The following ZBED4 variants were observed in gnomAD, a reference collection of about 807,000 sequenced individuals.
The protein encoded by ZBED4 is zinc finger BED domain-containing protein 4.
Under a neutral mutation model 15.5 loss-of-function variants are expected in ZBED4, and 4 were observed. The ratio of observed to expected loss-of-function variants is 0.26; its 90% confidence interval spans 0.13 to 0.59. The LOEUF (loss-of-function observed/expected upper bound fraction) is 0.59. Among genes scored for constraint, ZBED4 ranks in the 20% least tolerant of loss-of-function variants. The pLI is 0.90. For synonymous variants in ZBED4, 692 were observed against 608.5 expected, an observed-to-expected ratio of 1.14 and a Z score of -2.02; for missense variants, 1,323 against 1,461.8, an observed-to-expected ratio of 0.91 and a Z score of 1.55.
At position 49,884,214 on chromosome 22, in the gene ZBED4, T is replaced by C. The variant is rs908397289; in HGVS notation, c.552T>C (p.Ser184=). The C allele has an allele frequency of 1.3e-5, 21 of 1,603,748 alleles. No homozygotes were observed. Among genetic ancestry groups the C allele is most frequent in the Non-Finnish European group, 1.7e-5 (20 of 1,173,822 alleles). The change falls in exon 2 of 2, where the codon TCT becomes TCC. Residue 184 remains serine, a synonymous_variant. Coordinates refer to ENST00000216268, the MANE Select transcript of ZBED4 (RefSeq NM_014838.3). The part of the protein sequence containing the change: ...GSVSAVSSFP[S]PSLLLPPQPA... The stretch of plus-strand genomic sequence containing the variant: ...TGTCTGCCGTGTCCTCGTTCCCCTC[T>C]CCCTCACTCCTGCTTCCACCACAGC...
Position 49,885,491 on chromosome 22 carries a change from A to G in ZBED4, c.1829A>G (p.Asn610Ser). 2.5e-6 allele frequency: 4 copies of G among 1,612,002 alleles called. No individual in the cohort carries two copies. The highest frequency in any genetic ancestry group is 3.4e-6 in the Non-Finnish European group (4 of 1,178,154). Residue 610 changes from asparagine (N) to serine (S), a missense_variant, in exon 2 of 2, where the codon AAC (asparagine) becomes AGC (serine). Asn to Ser is a conservative substitution (Grantham distance 46). This residue lies in a region of ZBED4 where 429 missense variants were observed against 397.9 expected (regional missense o/e 1.08). Coordinates refer to ENST00000216268, the MANE Select transcript of ZBED4 (RefSeq NM_014838.3). ...AGACATTTACAGCGGTTCCATAGCA[A>G]CGTGCTGAAAACTGAGGTCTCGGAG... is the stretch of plus-strand genomic sequence containing the variant. Reference protein sequence around the residue: ...LLRHLQRFHSNVLKTEVSETA... With the variant: ...LLRHLQRFHSSVLKTEVSETA...
At chr22:49,865,046 G>A (rs1447875493) in intron 1 of ZBED4, among the ~76,000 whole-genome samples, 4 of 149,142 alleles carry the variant, frequency 2.7e-5, no homozygotes, top group East Asian at 2.0e-4. Context: ...CGGCAGCCCC[G>A]GGTCTCACTA....
At chr22:49,866,154 TG>T (rs908142548) in intron 1 of ZBED4, among the ~76,000 whole-genome samples, 4 of 152,036 alleles carry the variant, frequency 2.6e-5, no homozygotes, top group African/African-American at 9.7e-5. Context: ...CTAGTAATTT[TG>T]TTAGAAAATA....
rs147109356 is a variant in ZBED4 at position 49,867,673 on chromosome 22, G to A, written c.-330+13684G>A. ...ACCTGTTGGCTACTTGGGGATGCTC[G>A]GTGTATCACACGCTTGATGACATCT... On this transcript the variant is annotated intron_variant, in intron 1 of 1. Coordinates refer to ENST00000216268, the MANE Select transcript of ZBED4 (RefSeq NM_014838.3). Among the ~76,000 whole-genome samples, 1,442 of 152,286 alleles carry A rather than the reference G, an allele frequency of 9.5e-3. 11 individuals carry two copies. Among genetic ancestry groups the A allele is most frequent in the Non-Finnish European group, 0.016 (1,083 of 68,018 alleles).
At position 49,886,043 on chromosome 22, in the gene ZBED4, C is replaced by T. The variant is rs138553351; in HGVS notation, c.2381C>T (p.Ala794Val). 2.1e-5 allele frequency: 14 copies of T among 681,132 alleles called. No homozygotes were observed. Among genetic ancestry groups the T allele is most frequent in the East Asian group, 2.5e-5 (1 of 40,320 alleles). 42.2% of individuals were successfully genotyped at this position (681,132 alleles called of 1,614,324 possible). ...AAGCAGCTGGAGTGCTGGTGGGAAGCGTGGGTGACCTCCACCGGCCTTCAG... is the reference window on the plus strand; with the variant it reads ...AAGCAGCTGGAGTGCTGGTGGGAAGTGTGGGTGACCTCCACCGGCCTTCAG... The part of the protein sequence containing the change: ...IQKQLECWWE[A>V]WVTSTGLQVG... The change falls in exon 2 of 2, where the codon GCG (alanine) becomes GTG (valine). Residue 794 changes from alanine (A) to valine (V), a missense_variant. This residue lies in a region of ZBED4 where 100 missense variants were observed against 79.3 expected (regional missense o/e 1.26). Transcript: ENST00000216268. This position sits in a 1 kb window ranked among gnomAD's most constrained non-coding sequence, Gnocchi z 7.7.
At chr22:49,858,428 C>T (rs75796394) in intron 1 of ZBED4, among the ~76,000 whole-genome samples, 1,803 of 152,294 alleles carry the variant, frequency 0.012, 26 homozygotes, top group South Asian at 0.027. Context: ...CTTTGCCTCC[C>T]TGGGTATACT....
intron 1 of ZBED4, among the ~76,000 whole-genome samples, chr22:49,855,706 T>C (rs1174294763): frequency 1.3e-5 from 2 of 152,160 alleles, no homozygotes; most frequent in African/African-American, 2.4e-5. Context: ...GTTTTTTTCT[T>C]TGCCTGGCTT....
In ZBED4 at chr22:49,885,606, T is replaced by G; in HGVS notation, c.1944T>G (p.Phe648Leu). 1 of 1,610,014 alleles carries G rather than the reference T, an allele frequency of 6.2e-7. No individual in the cohort carries two copies. Among genetic ancestry groups the G allele is most frequent in the Non-Finnish European group, 8.5e-7 (1 of 1,176,916 alleles). ...CTTTTGATGACACCAATGAGAAGTT[T>G]TACGATTCTCACCCAGTTGCCAAAA... ...ASSFDDTNEK[F>L]YDSHPVAKKI... is the part of the protein sequence containing the mutation. The change falls in exon 2 of 2, where the codon TTT becomes TTG. Residue 648 changes from phenylalanine (F) to leucine (L), a missense_variant. By Grantham distance (22) the Phe-to-Leu change is conservative. Coordinates refer to ENST00000216268, the MANE Select transcript of ZBED4 (RefSeq NM_014838.3).
At chr22:49,868,068 C>T (rs180906529) in intron 1 of ZBED4, among the ~76,000 whole-genome samples, 2 of 152,288 alleles carry the variant, frequency 1.3e-5, no homozygotes, top group Admixed American at 6.5e-5. Flanking sequence ...GTTGCAGGTT[C>T]GTAGGTTGAA....
Position 49,884,904 on chromosome 22 carries a change from C to G in ZBED4, c.1242C>G (p.Phe414Leu), listed in dbSNP as rs766803700. Reference sequence around the variant, plus strand: ...GGCTGATGGAAGACGTGGCGGCCTTCTCATCTTCCGATGACATAGGGGAGG... The same window carrying G: ...GGCTGATGGAAGACGTGGCGGCCTTGTCATCTTCCGATGACATAGGGGAGG... ...GDGLMEDVAA[F>L]SSSDDIGEAS... The change falls in exon 2 of 2, where the codon TTC becomes TTG. Residue 414 changes from phenylalanine (F) to leucine (L), a missense_variant. Transcript: ENST00000216268. 21 of 1,602,222 alleles carry G rather than the reference C, an allele frequency of 1.3e-5. No homozygotes were observed. The highest frequency in any genetic ancestry group is 1.6e-5 in the Non-Finnish European group (19 of 1,172,650).
In ZBED4 at chr22:49,885,234, G is replaced by A. The variant is rs137870205; in HGVS notation, c.1572G>A (p.Pro524=). The change falls in exon 2 of 2, where the codon CCG becomes CCA. Residue 524 remains proline (P), a synonymous_variant. Coordinates refer to ENST00000216268, the MANE Select transcript of ZBED4 (RefSeq NM_014838.3). ...GFLGASLANS[P]YATLASAESS... ...TGGGTGCAAGTCTGGCAAACTCTCC[G>A]TATGCCACTTTGGCCTCTGCAGAAA... 90 of 1,611,430 alleles carry A rather than the reference G, an allele frequency of 5.6e-5. 1 individual carries two copies. The African/African-American group carries it at 5.9e-4, about 11-fold the overall frequency.
At chr22:49,865,819 C>G (rs149905180) in intron 1 of ZBED4, among the ~76,000 whole-genome samples, 1 of 150,830 alleles carries the variant, frequency 6.6e-6, no homozygotes, top group Admixed American at 6.6e-5. Context: ...TCATTGTGCT[C>G]GAAGGTCAGT....
At chr22:49,862,103 GA>G (rs1164720565) in intron 1 of ZBED4, among the ~76,000 whole-genome samples, 5 of 152,180 alleles carry the variant, frequency 3.3e-5, no homozygotes, top group African/African-American at 1.2e-4. Flanking sequence ...TGTGAAAAAT[GA>G]AAAAACTGTG....
chr22:49,874,388 ATT>A lies in ZBED4; in HGVS notation c.-329-8931_-329-8930del, dbSNP rs539781070. 5.8e-4 allele frequency among the ~76,000 whole-genome samples: 83 copies of A among 143,104 alleles called. 1 individual carries two copies. Among genetic ancestry groups the A allele is most frequent in the African/African-American group, 1.6e-3 (63 of 38,972 alleles). 93.9% of individuals were successfully genotyped at this position (143,104 alleles called of 152,430 possible). ...CTCCTTTTGCTAATGTATTGTTTTA[ATT>A]TTTTTTTTTTTTTTAGATGGAGTCT... On this transcript the variant is annotated intron_variant, in intron 1 of 1. Transcript: ENST00000216268.
At chr22:49,875,112 G>T (rs922847227) in intron 1 of ZBED4, among the ~76,000 whole-genome samples, 1 of 152,024 alleles carries the variant, frequency 6.6e-6, no homozygotes, top group Non-Finnish European at 1.5e-5. Context: ...GTGCTCATAG[G>T]GTATCAAGTT....
At chr22:49,873,622 C>A (rs2060359698) in intron 1 of ZBED4, among the ~76,000 whole-genome samples, 1 of 142,026 alleles carries the variant, frequency 7.0e-6, no homozygotes, top group Admixed American at 6.6e-5. Context: ...TGCAGGATTG[C>A]CACAAACCTC....
In ZBED4 at chr22:49,884,955, G is replaced by A; in HGVS notation, c.1293G>A (p.Gln431=). The change falls in exon 2 of 2, where the codon CAG becomes CAA. Residue 431 remains glutamine, a synonymous_variant. Coordinates refer to ENST00000216268, the MANE Select transcript of ZBED4 (RefSeq NM_014838.3). ...CCTCGGCGTCCTCTCCTGAGAAGCA[G>A]CAGGCTGATGGGCTGAGTCCTAGAT... ...GEASASSPEK[Q]QADGLSPRLF... 1 of 1,611,566 alleles carries A rather than the reference G, an allele frequency of 6.2e-7. No individual in the cohort carries two copies. Among genetic ancestry groups the A allele is most frequent in the Non-Finnish European group, 8.5e-7 (1 of 1,178,662 alleles).
Position 49,888,316 on chromosome 22 carries a change from C to T in ZBED4, c.*1138C>T, listed in dbSNP as rs2147557637. 6.0e-6 allele frequency: 1 copy of T among 166,910 alleles called. No homozygotes were observed. Among genetic ancestry groups the T allele is most frequent in the South Asian group, 2.1e-4 (1 of 4,826 alleles). The allele number at this position is 166,910 out of a possible 1,614,324, so 10.3% of individuals were successfully genotyped here. A position where few individuals can be genotyped will look rare whatever the true frequency, so the allele number is the denominator to read the frequency against. On this transcript the variant is annotated 3_prime_UTR_variant, in exon 2 of 2. Coordinates refer to ENST00000216268, the MANE Select transcript of ZBED4 (RefSeq NM_014838.3). ...GACTAATCACTCATTTGCCTACGAC[C>T]TTTTAGAAAAGTTGTTTTGTTGAAA...
chr22:49,877,258 ATTATTTATTTATTTATTTATTTAT>A (rs200275015), intron 1 of ZBED4, among the ~76,000 whole-genome samples: 82 of 144,738 alleles, frequency 5.7e-4, no homozygotes, highest in African/African-American at 1.5e-3. Context: ...AAACAGCTTT[ATTATTTATTTATTTATTTATTTAT>A]TTATTTATTT....
Sources: gnomAD v4.1 joint callset for allele counts (sites outside exome capture counted in the v4.1 genomes callset) on GRCh38, gnomAD v4.1.1 for gene constraint, gnomAD v4.1.1 regional missense constraint, Gnocchi (gnomAD v3.1) non-coding constraint, MANE v1.5 for transcripts, NCBI Gene and HGNC (gene_info 2026-07-23, HGNC 2026-07-21) for gene names.